EML5: variants seen among roughly 807,000 people sequenced by gnomAD.
EML5 encodes the protein echinoderm microtubule-associated protein-like 5.
EML5 carries 120 observed loss-of-function variants against 250.0 expected under a neutral mutation model. That is an observed-to-expected ratio of 0.48 (90% CI 0.41 to 0.56). EML5 has a LOEUF of 0.56. EML5 is among the 20% of genes least tolerant of loss of function. The probability of loss-of-function intolerance (pLI) is 0.00; values close to 1 mark genes in which losing one functional copy is unlikely to be tolerated. For missense variants in EML5, 2,006 were observed against 2,437.6 expected (o/e 0.82, Z 3.73); for synonymous variants, 771 against 806.5 (o/e 0.96, Z 0.75).
chr14:88,616,574 A>G (rs1373709277), intron 42 of EML5, 152 bp downstream of exon 42: 4 of 785,626 alleles, frequency 5.1e-6, no homozygotes, highest in Non-Finnish European at 7.8e-6. Context: ...TTTGTTTCTA[A>G]TAGCTTTTAT....
At chr14:88,637,359 C>T (rs1008650296) in intron 32 of EML5, among the ~76,000 whole-genome samples, 11 of 152,062 alleles carry the variant, frequency 7.2e-5, no homozygotes, top group African/African-American at 2.4e-4. Flanking sequence ...ATAGTGTTGT[C>T]TTTCAAAATA....
At position 88,664,483 on chromosome 14, in the gene EML5, A is replaced by T. The variant is rs1382184939; in HGVS notation, c.3409+10T>A. On this transcript the variant is annotated intron_variant, in intron 23 of 43. Transcript: ENST00000554922. ...ACTTTTATCAAGTATTAAGTTATTT[A>T]AAGTCTTACCTCTAATATCCCAATC... is the stretch of plus-strand genomic sequence containing the variant. 6.3e-7 allele frequency: 1 copy of T among 1,581,862 alleles called. No individual in the cohort carries two copies. The highest frequency in any genetic ancestry group is 1.4e-5 in the African/African-American group (1 of 73,206).
chr14:88,683,306 A>C (rs915915112), intron 20 of EML5, among the ~76,000 whole-genome samples: 1 of 152,192 alleles, frequency 6.6e-6, no homozygotes, highest in African/African-American at 2.4e-5. Context: ...CTCAAACACT[A>C]ATCTAGGGAA....
At position 88,615,866 on chromosome 14, in the gene EML5, G is replaced by C. The variant is rs1483876996; in HGVS notation, c.5898-12C>G. 1 of 1,609,302 alleles carries C rather than the reference G, an allele frequency of 6.2e-7. No homozygotes were observed. The highest frequency in any genetic ancestry group is 1.1e-5 in the South Asian group (1 of 89,802). The stretch of plus-strand genomic sequence containing the variant: ...TCCAGACAAATAAGCTGCAATCAGA[G>C]AAGAAAATTGCAGGGAGTTAATTAT... On this transcript the variant is annotated splice_polypyrimidine_tract_variant and intron_variant, in intron 43 of 43. Transcript: ENST00000554922.
intron 1 of EML5, among the ~76,000 whole-genome samples, chr14:88,763,239 A>G (rs953204726): frequency 6.6e-6 from 1 of 152,170 alleles, no homozygotes; most frequent in African/African-American, 2.4e-5. Context: ...AAAAGATAAC[A>G]AAATAGATAG....
In EML5 at chr14:88,615,648, T is replaced by C. The variant is rs1003264494; in HGVS notation, c.*170A>G. ...TGGATTACGGATTATACCCAGTGCATATAGCAAATATTTTGAACAGATCAG... is the reference window on the plus strand; with the variant it reads ...TGGATTACGGATTATACCCAGTGCACATAGCAAATATTTTGAACAGATCAG... On this transcript the variant is annotated 3_prime_UTR_variant, in exon 44 of 44. Coordinates refer to ENST00000554922, the MANE Select transcript of EML5 (RefSeq NM_183387.3). The C allele has an allele frequency of 6.6e-6, 4 of 609,318 alleles. No homozygotes were observed. In the Admixed American group the frequency reaches 1.3e-4, roughly 20 times the overall value. 37.7% of individuals were successfully genotyped at this position (609,318 alleles called of 1,614,324 possible).
intron 29 of EML5, among the ~76,000 whole-genome samples, chr14:88,646,593 T>C (rs2091359017): frequency 1.3e-5 from 2 of 152,184 alleles, no homozygotes; most frequent in South Asian, 4.1e-4. Flanking sequence ...TTTATCTATA[T>C]AATCCTATAT....
intron 1 of EML5, among the ~76,000 whole-genome samples, chr14:88,763,794 T>C (rs2094283316): frequency 6.6e-6 from 1 of 152,158 alleles, no homozygotes; most frequent in African/African-American, 2.4e-5. Flanking sequence ...GTGACAAGAA[T>C]AGACACTCTG....
chr14:88,715,611 C>T (rs2093478513), intron 8 of EML5, among the ~76,000 whole-genome samples: 1 of 151,004 alleles, frequency 6.6e-6, no homozygotes, highest in Non-Finnish European at 1.5e-5. Context: ...TGCAAAATTA[C>T]ATTTAGGAAA....
chr14:88,784,898 T>C (rs1044497730), intron 1 of EML5, among the ~76,000 whole-genome samples: 1 of 152,226 alleles, frequency 6.6e-6, no homozygotes, highest in Non-Finnish European at 1.5e-5. Flanking sequence ...ACTCCAATGT[T>C]TGTTGCAGCA....
At chr14:88,732,379 T>C (rs1358897345) in intron 7 of EML5, among the ~76,000 whole-genome samples, 1 of 152,178 alleles carries the variant, frequency 6.6e-6, no homozygotes, top group Non-Finnish European at 1.5e-5. Flanking sequence ...CGGTTGTAGA[T>C]GTGTGGTATT....
intron 20 of EML5, 144 bp downstream of exon 20, chr14:88,684,871 T>A: frequency 1.4e-6 from 1 of 713,950 alleles, no homozygotes; most frequent in Non-Finnish European, 2.0e-6. Context: ...TTTTTCTGTA[T>A]ACATTAAATT....
Position 88,684,995 on chromosome 14 carries a change from A to T in EML5, c.2982+20T>A. On this transcript the variant is annotated intron_variant, in intron 20 of 43. Transcript: ENST00000554922. ...CAATTGTATGTAAAGAAAAAAAAAC[A>T]AATTAGCATTTAAAATTACCTGAAC... 6.3e-7 allele frequency: 1 copy of T among 1,586,134 alleles called. No individual in the cohort carries two copies. Among genetic ancestry groups the T allele is most frequent in the Non-Finnish European group, 8.6e-7 (1 of 1,168,084 alleles).
At chr14:88,703,333 G>A (rs2139722040) in intron 13 of EML5, among the ~76,000 whole-genome samples, 1 of 152,254 alleles carries the variant, frequency 6.6e-6, no homozygotes, top group South Asian at 2.1e-4. Flanking sequence ...GGGAAATGAT[G>A]GCTGGGAGGG....
chr14:88,653,860 G>C (rs529321283), intron 27 of EML5, among the ~76,000 whole-genome samples: 2 of 152,174 alleles, frequency 1.3e-5, no homozygotes, highest in South Asian at 4.1e-4. Flanking sequence ...GGAATAGCCA[G>C]AAGAATGGTA....
At chr14:88,621,047 A>G (rs1033497195) in intron 38 of EML5, 66 bp downstream of exon 38, 15 of 1,517,096 alleles carry the variant, frequency 9.9e-6, no homozygotes, top group Non-Finnish European at 1.1e-5. Context: ...AGTACTAGCA[A>G]TTTAGAACTT....
chr14:88,690,853 G>C (rs2092941467), intron 17 of EML5, among the ~76,000 whole-genome samples: 1 of 152,178 alleles, frequency 6.6e-6, no homozygotes, highest in Admixed American at 6.5e-5. Context: ...GCCTTTATTA[G>C]AGGGCAAACT....
At chr14:88,674,518 GA>G (rs2092549469) in intron 21 of EML5, among the ~76,000 whole-genome samples, 1 of 152,008 alleles carries the variant, frequency 6.6e-6, no homozygotes, top group African/African-American at 2.4e-5. Flanking sequence ...AACAGCACAG[GA>G]AAGACCCGCC....
At position 88,630,493 on chromosome 14, in the gene EML5, C is replaced by A. The variant is rs535811861; in HGVS notation, c.4358-2674G>T. ...CTCCAGTTTTATTCAGGAATCTACT[C>A]CTTCCTAGAGCGTAAGTGATTCAGG... On this transcript the variant is annotated intron_variant, in intron 33 of 43. Coordinates refer to ENST00000554922, the MANE Select transcript of EML5 (RefSeq NM_183387.3). Among the ~76,000 whole-genome samples the A allele has an allele frequency of 2.0e-5, 3 of 152,296 alleles. No individual in the cohort carries two copies. The South Asian group carries it at 6.2e-4, about 32-fold the overall frequency.
Sources: allele counts gnomAD v4.1 joint callset (sites outside exome capture counted in the v4.1 genomes callset), GRCh38; gene constraint gnomAD v4.1.1; transcripts MANE v1.5; gene names NCBI Gene and HGNC (gene_info 2026-07-23, HGNC 2026-07-21).